Variants in ZCCHC17 observed in about 807,000 individuals in gnomAD.
ZCCHC17 encodes the protein zinc finger CCHC domain-containing protein 17.
Under a neutral mutation model 30.6 loss-of-function variants are expected in ZCCHC17, and 18 were observed. The observed-to-expected ratio is 0.59, with a 90% CI of 0.41 to 0.87. The LOEUF is 0.87. Ranked by LOEUF, ZCCHC17 falls within the 40% of genes least tolerant of loss-of-function variation. The pLI is 0.00. For missense variants in ZCCHC17, 263 were observed against 284.2 expected (o/e 0.93, Z 0.54); for synonymous variants, 88 against 92.4 (o/e 0.95, Z 0.27).
intron 1 of ZCCHC17, among the ~76,000 whole-genome samples, chr1:31,298,328 C>T (rs1335169208): frequency 2.0e-5 from 3 of 151,758 alleles, no homozygotes; most frequent in South Asian, 2.1e-4. Context: ...CTCACTATCA[C>T]GGAATCCCTC....
chr1:31,298,463 G>A (rs1214386926), intron 1 of ZCCHC17, among the ~76,000 whole-genome samples: 2 of 150,026 alleles, frequency 1.3e-5, no homozygotes, highest in African/African-American at 5.0e-5. Flanking sequence ...TTGGCTCACT[G>A]CAACCTCCAC....
intron 3 of ZCCHC17, among the ~76,000 whole-genome samples, chr1:31,325,207 A>T (rs1312059352): frequency 6.6e-6 from 1 of 152,234 alleles, no homozygotes; most frequent in Admixed American, 6.5e-5. Flanking sequence ...GCCTGTGGAA[A>T]GGAGCTACCT....
In ZCCHC17 at chr1:31,337,237, G is replaced by T; in HGVS notation, c.187G>T (p.Val63Phe). The change falls in exon 4 of 8, where the codon GTT (valine) becomes TTT (phenylalanine). Residue 63 changes from valine (V) to phenylalanine (F), a missense_variant. Transcript: ENST00000344147. ...GGATAAGCCCTCTGAGATAGTAGATGTTGGAGATAAAGTGTGGGTGAAGCT... is the reference window on the plus strand; with the variant it reads ...GGATAAGCCCTCTGAGATAGTAGATTTTGGAGATAAAGTGTGGGTGAAGCT... ...RVDKPSEIVDVGDKVWVKLIG... is the reference protein window; with the variant it reads ...RVDKPSEIVDFGDKVWVKLIG... 1 of 1,614,084 alleles carries T rather than the reference G, an allele frequency of 6.2e-7. No individual in the cohort carries two copies. Among genetic ancestry groups the T allele is most frequent in the South Asian group, 1.1e-5 (1 of 91,080 alleles).
intron 2 of ZCCHC17, among the ~76,000 whole-genome samples, chr1:31,311,424 T>C (rs1289662788): frequency 1.3e-5 from 2 of 152,250 alleles, no homozygotes; most frequent in African/African-American, 4.8e-5. Context: ...TCTTGCTCTC[T>C]CTTTAGGATT....
At chr1:31,304,025 T>A (rs141895220) in intron 1 of ZCCHC17, among the ~76,000 whole-genome samples, 4 of 152,330 alleles carry the variant, frequency 2.6e-5, no homozygotes, top group Non-Finnish European at 4.4e-5. Flanking sequence ...ATCCTTTACT[T>A]CCATCCCATA....
intron 3 of ZCCHC17, among the ~76,000 whole-genome samples, chr1:31,325,731 A>G (rs1375315206): frequency 6.6e-6 from 1 of 152,246 alleles, no homozygotes; most frequent in Non-Finnish European, 1.5e-5. Context: ...AGTGGCCCCA[A>G]GCAAAGCTGA....
intron 3 of ZCCHC17, among the ~76,000 whole-genome samples, chr1:31,330,678 T>G (rs1638546736): frequency 6.6e-6 from 1 of 152,204 alleles, no homozygotes; most frequent in African/African-American, 2.4e-5. Flanking sequence ...ATATTTGAAT[T>G]GCACTTCTGT....
At chr1:31,363,932 G>A (rs1296026751) in intron 7 of ZCCHC17, 100 bp from the exon 8 acceptor site, 1 of 1,486,216 alleles carries the variant, frequency 6.7e-7, no homozygotes, top group African/African-American at 1.4e-5. Flanking sequence ...CAAAGTACTA[G>A]GATTACAGGT....
intron 3 of ZCCHC17, among the ~76,000 whole-genome samples, chr1:31,326,197 A>C (rs765502425): frequency 6.6e-6 from 1 of 152,078 alleles, no homozygotes; most frequent in Non-Finnish European, 1.5e-5. Context: ...ACAGATTAAC[A>C]ATGGTCACTT....
chr1:31,317,738 G>T (rs1419589254), intron 2 of ZCCHC17, among the ~76,000 whole-genome samples: 1 of 152,120 alleles, frequency 6.6e-6, no homozygotes, highest in African/African-American at 2.4e-5. Context: ...GAGTAGCTAG[G>T]ACTACAGGCA....
intron 2 of ZCCHC17, among the ~76,000 whole-genome samples, chr1:31,313,014 G>T (rs780161445): frequency 6.7e-6 from 1 of 150,222 alleles, no homozygotes; most frequent in African/African-American, 2.5e-5. Flanking sequence ...TGATCCACCT[G>T]CCTCGGCCTC....
At chr1:31,324,248 A>G (rs992258818) in intron 3 of ZCCHC17, among the ~76,000 whole-genome samples, 1 of 152,246 alleles carries the variant, frequency 6.6e-6, no homozygotes, top group African/African-American at 2.4e-5. Context: ...TGAAGTAGTA[A>G]GATCACTTGA....
At chr1:31,327,707 C>T (rs190498191) in intron 3 of ZCCHC17, among the ~76,000 whole-genome samples, 1 of 152,280 alleles carries the variant, frequency 6.6e-6, no homozygotes, top group Admixed American at 6.5e-5. Context: ...CCTTATTTTA[C>T]TTAATGGCCC....
chr1:31,314,781 C>T (rs1646691580), intron 2 of ZCCHC17, among the ~76,000 whole-genome samples: 1 of 152,066 alleles, frequency 6.6e-6, no homozygotes, highest in Non-Finnish European at 1.5e-5. Flanking sequence ...ATTCTCATGC[C>T]TCAACCTCCT....
chr1:31,330,940 A>G (rs886840669), intron 3 of ZCCHC17, among the ~76,000 whole-genome samples: 6 of 152,204 alleles, frequency 3.9e-5, no homozygotes, highest in Admixed American at 3.3e-4. Context: ...CTGAGAATGA[A>G]TCTAGTCATG....
chr1:31,341,567 A>C (rs1639048359), intron 5 of ZCCHC17, among the ~76,000 whole-genome samples: 2 of 152,222 alleles, frequency 1.3e-5, no homozygotes, highest in Admixed American at 1.3e-4. Flanking sequence ...AGTGGCTGAA[A>C]CAGTAACTTT....
At chr1:31,335,709 T>C (rs1489728846) in intron 3 of ZCCHC17, among the ~76,000 whole-genome samples, 2 of 152,222 alleles carry the variant, frequency 1.3e-5, no homozygotes, top group Non-Finnish European at 2.9e-5. Context: ...TAATAGTTTA[T>C]TAGTATTTTA....
intron 6 of ZCCHC17, among the ~76,000 whole-genome samples, chr1:31,347,846 A>G (rs1639330488): frequency 6.6e-6 from 1 of 152,122 alleles, no homozygotes; most frequent in African/African-American, 2.4e-5. Context: ...GGCTCCAGTG[A>G]TCCTCCTGCC....
intron 5 of ZCCHC17, among the ~76,000 whole-genome samples, chr1:31,343,976 TC>T (rs1392115383): frequency 2.7e-5 from 4 of 147,700 alleles, no homozygotes; most frequent in Admixed American, 1.4e-4. Flanking sequence ...TGCCTCAGCC[TC>T]CCGAGTAGCT....
Sources: allele counts gnomAD v4.1 joint callset (sites outside exome capture counted in the v4.1 genomes callset), GRCh38; gene constraint gnomAD v4.1.1; transcripts MANE v1.5; gene names NCBI Gene and HGNC (gene_info 2026-07-23, HGNC 2026-07-21).